BCAS3: variants seen among roughly 807,000 people sequenced by gnomAD.
BCAS3 encodes BCAS4/BCAS3 fusion.
Under a neutral mutation model 116.1 loss-of-function variants are expected in BCAS3, and 53 were observed. That is an observed-to-expected ratio of 0.46 (90% CI 0.37 to 0.57). The LOEUF (loss-of-function observed/expected upper bound fraction) is 0.57. Among genes scored for constraint, BCAS3 ranks in the 20% least tolerant of loss-of-function variants. BCAS3 has a pLI of 0.00. For synonymous variants in BCAS3, 391 were observed against 408.2 expected (o/e 0.96, Z 0.51); for missense variants, 917 against 1,165.4 (o/e 0.79, Z 3.10).
chr17:61,146,675 T>C (rs757922961), intron 22 of BCAS3, among the ~76,000 whole-genome samples: 9 of 152,318 alleles, frequency 5.9e-5, no homozygotes, highest in Non-Finnish European at 1.0e-4. Flanking sequence ...CTGATGATGT[T>C]CATTTTCTTT....
intron 14 of BCAS3, among the ~76,000 whole-genome samples, chr17:60,966,818 A>G (rs1334524488): frequency 6.6e-6 from 1 of 151,760 alleles, no homozygotes; most frequent in Non-Finnish European, 1.5e-5. Context: ...ATGTCCAGCT[A>G]ATTTTTTTGT....
chr17:61,056,736 C>G lies in BCAS3; in HGVS notation c.2029+15844C>G, dbSNP rs1193265031. Among the ~76,000 whole-genome samples, 2 of 152,148 alleles carry G rather than the reference C, an allele frequency of 1.3e-5. No individual in the cohort carries two copies. Among genetic ancestry groups the G allele is most frequent in the Non-Finnish European group, 2.9e-5 (2 of 68,014 alleles). ...AGGAGACCCAGGGGTTTTATTATAA[C>G]AAAATGGTTTTCCTATTAAGTGATG... On this transcript the variant is annotated intron_variant, in intron 19 of 23. Coordinates refer to ENST00000407086, the MANE Select transcript of BCAS3 (RefSeq NM_017679.5). This position sits in a 1 kb window ranked among gnomAD's most constrained non-coding sequence, Gnocchi z 4.9.
At chr17:61,125,136 T>G (rs913117441) in intron 22 of BCAS3, among the ~76,000 whole-genome samples, 1 of 152,230 alleles carries the variant, frequency 6.6e-6, no homozygotes, top group Non-Finnish European at 1.5e-5. Flanking sequence ...ACTAGAGATT[T>G]TCTAATTTTG....
At chr17:61,234,043 T>G (rs1404250547) in intron 22 of BCAS3, among the ~76,000 whole-genome samples, 1 of 151,994 alleles carries the variant, frequency 6.6e-6, no homozygotes, top group African/African-American at 2.4e-5. Context: ...AATTGCAGAA[T>G]GATTTAAGCT....
rs2055508069 is a variant in BCAS3, at chr17:61,323,831, G to A, written c.2426-44496G>A. Among the ~76,000 whole-genome samples, 1 of 152,226 alleles carries A rather than the reference G, an allele frequency of 6.6e-6. No homozygotes were observed. The highest frequency in any genetic ancestry group is 2.1e-4 in the South Asian group (1 of 4,836). On this transcript the variant is annotated intron_variant, in intron 22 of 23. Coordinates refer to ENST00000407086, the MANE Select transcript of BCAS3 (RefSeq NM_017679.5). The surrounding 1 kb of genome is among the most constrained non-coding windows in gnomAD (Gnocchi z 4.6). ...TGATCCAGCAGAAGCAGGCAGCCCT[G>A]GCTTATCCATGGCCCCCTGGCCCCT...
intron 22 of BCAS3, among the ~76,000 whole-genome samples, chr17:61,194,344 C>T (rs1234434445): frequency 6.6e-6 from 1 of 152,132 alleles, no homozygotes; most frequent in Non-Finnish European, 1.5e-5. Flanking sequence ...AGAGAGGCTT[C>T]CAAATCACAT....
At chr17:60,830,029 TCACC>T (rs557348858) in intron 7 of BCAS3, among the ~76,000 whole-genome samples, 1 of 152,362 alleles carries the variant, frequency 6.6e-6, no homozygotes, top group South Asian at 2.1e-4. Flanking sequence ...TCTCACTCTG[TCACC>T]CAAGCTGGAG....
intron 12 of BCAS3, among the ~76,000 whole-genome samples, chr17:60,918,597 T>C (rs2058899807): frequency 6.6e-6 from 1 of 152,172 alleles, no homozygotes; most frequent in South Asian, 2.1e-4. Context: ...TCTTTTTCTT[T>C]TTCTTTTGTC....
chr17:60,973,513 C>CT (rs1395886182), intron 14 of BCAS3, among the ~76,000 whole-genome samples: 12 of 150,728 alleles, frequency 8.0e-5, no homozygotes, highest in Admixed American at 3.3e-4. Context: ...TCAGAAACAA[C>CT]TTTCCTCCTG....
intron 22 of BCAS3, among the ~76,000 whole-genome samples, chr17:61,236,708 G>C (rs2083090351): frequency 6.6e-6 from 1 of 151,996 alleles, no homozygotes; most frequent in Non-Finnish European, 1.5e-5. Flanking sequence ...ATGGTATAAA[G>C]TAGTCAATTG....
chr17:61,119,432 A>G (rs947515477), intron 22 of BCAS3, among the ~76,000 whole-genome samples: 1 of 152,162 alleles, frequency 6.6e-6, no homozygotes, highest in Non-Finnish European at 1.5e-5. Flanking sequence ...CGAAGAAAAC[A>G]TGATAGTGTC....
At chr17:60,838,605 A>G (rs1483916981) in intron 7 of BCAS3, among the ~76,000 whole-genome samples, 1 of 152,146 alleles carries the variant, frequency 6.6e-6, no homozygotes, top group Non-Finnish European at 1.5e-5. Flanking sequence ...TCATTGGATG[A>G]TATGTTCACT....
intron 7 of BCAS3, among the ~76,000 whole-genome samples, chr17:60,828,488 G>A (rs1032578814): frequency 3.3e-5 from 5 of 152,092 alleles, no homozygotes; most frequent in East Asian, 1.9e-4. Flanking sequence ...TGATTTTCTG[G>A]TATCAAAGTA....
intron 13 of BCAS3, among the ~76,000 whole-genome samples, chr17:60,927,358 C>T (rs143437770): frequency 6.6e-6 from 1 of 151,968 alleles, no homozygotes; most frequent in Non-Finnish European, 1.5e-5. Context: ...CAGGTTCAAG[C>T]GATCCTTGTG....
chr17:61,204,115 A>G lies in BCAS3; in HGVS notation c.2425+119551A>G, dbSNP rs751796383. On this transcript the variant is annotated intron_variant, in intron 22 of 23. Coordinates refer to ENST00000407086, the MANE Select transcript of BCAS3 (RefSeq NM_017679.5). The surrounding 1 kb of genome is among the most constrained non-coding windows in gnomAD (Gnocchi z 4.2). ...CACTCTTCATCCTCCTCAGCTCACC[A>G]GAGTCACTCAGTCTCTGAGCCAAAC... Among the ~76,000 whole-genome samples the G allele has an allele frequency of 6.6e-6, 1 of 152,188 alleles. No individual in the cohort carries two copies. The highest frequency in any genetic ancestry group is 2.4e-5 in the African/African-American group (1 of 41,424).
intron 22 of BCAS3, among the ~76,000 whole-genome samples, chr17:61,268,673 T>C (rs1271757923): frequency 2.0e-5 from 3 of 152,012 alleles, no homozygotes; most frequent in Non-Finnish European, 4.4e-5. Context: ...TTCTCATGCC[T>C]CAGCCTCTTG....
At chr17:60,702,014 C>G (rs907489813) in intron 4 of BCAS3, among the ~76,000 whole-genome samples, 1 of 151,926 alleles carries the variant, frequency 6.6e-6, no homozygotes, top group Non-Finnish European at 1.5e-5. Context: ...CTCTCTCTCT[C>G]TATGTATATA....
chr17:61,050,084 A>G (rs1402941468), intron 19 of BCAS3, among the ~76,000 whole-genome samples: 1 of 151,984 alleles, frequency 6.6e-6, no homozygotes, highest in Admixed American at 6.6e-5. Flanking sequence ...CCAGAATTAT[A>G]TTCTGCCTTT....
At chr17:61,267,127 G>A (rs1356512004) in intron 22 of BCAS3, among the ~76,000 whole-genome samples, 1 of 152,060 alleles carries the variant, frequency 6.6e-6, no homozygotes, top group Non-Finnish European at 1.5e-5. Context: ...GTGCGGTCTC[G>A]GCTCACCGCA....
Sources: gnomAD v4.1 joint callset for allele counts (sites outside exome capture counted in the v4.1 genomes callset) on GRCh38, gnomAD v4.1.1 for gene constraint, Gnocchi (gnomAD v3.1) non-coding constraint, MANE v1.5 for transcripts, NCBI Gene and HGNC (gene_info 2026-07-23, HGNC 2026-07-21) for gene names.